The following CXCL13 variants were observed in gnomAD, a reference collection of about 807,000 sequenced individuals.
CXCL13 encodes the protein C-X-C motif chemokine 13.
A neutral mutation model predicts 12.2 loss-of-function variants in CXCL13; 7 were observed. That is an observed-to-expected ratio of 0.57 (90% CI 0.33 to 1.07). The LOEUF (loss-of-function observed/expected upper bound fraction) is 1.07, where lower values mean the gene tolerates loss of function less well. CXCL13 is among the 50% of genes least tolerant of loss of function. The pLI, the probability that CXCL13 is intolerant of heterozygous loss-of-function variation, is 0.04. For synonymous variants in CXCL13, 47 were observed against 42.4 expected (o/e 1.11, Z -0.42); for missense variants, 113 against 127.4 (o/e 0.89, Z 0.55).
chr4:77,539,218 G>C (rs17406546), intron 1 of CXCL13, among the ~76,000 whole-genome samples: 56,077 of 151,922 alleles, frequency 0.37, 10,657 homozygotes, highest in African/African-American at 0.45. Context: ...CATGCACCCA[G>C]AGTTAGGGTA....
At chr4:77,533,627 C>G (rs923386538) in intron 1 of CXCL13, among the ~76,000 whole-genome samples, 1 of 152,172 alleles carries the variant, frequency 6.6e-6, no homozygotes, top group Non-Finnish European at 1.5e-5. Context: ...GCCCTGCCCC[C>G]AGAGGTGGAG....
intron 1 of CXCL13, among the ~76,000 whole-genome samples, chr4:77,559,248 AAG>A (rs1433113715): frequency 6.6e-6 from 1 of 152,206 alleles, no homozygotes; most frequent in Non-Finnish European, 1.5e-5. Context: ...CTGGGGAAGA[AAG>A]GGGACTGAGG....
chr4:77,572,230 A>G (rs1468128145), intron 1 of CXCL13, among the ~76,000 whole-genome samples: 1 of 151,792 alleles, frequency 6.6e-6, no homozygotes, highest in Non-Finnish European at 1.5e-5. Flanking sequence ...GTGAAATTCC[A>G]TCTCCCCTAA....
intron 1 of CXCL13, among the ~76,000 whole-genome samples, chr4:77,559,129 C>T (rs533226853): frequency 3.7e-4 from 57 of 152,222 alleles, no homozygotes; most frequent in African/African-American, 1.3e-3. Context: ...ATGTCCTCTG[C>T]CTACCACCAG....
At chr4:77,555,479 T>A (rs1222531024) in intron 1 of CXCL13, among the ~76,000 whole-genome samples, 1 of 152,052 alleles carries the variant, frequency 6.6e-6, no homozygotes, top group Non-Finnish European at 1.5e-5. Flanking sequence ...GAAAAAAGCA[T>A]GAACTTCAAC....
chr4:77,542,957 G>A (rs1725242700), intron 1 of CXCL13, among the ~76,000 whole-genome samples: 4 of 152,010 alleles, frequency 2.6e-5, no homozygotes, highest in Admixed American at 2.0e-4. Flanking sequence ...TTCTTTTTAG[G>A]TATGGTAGAA....
At chr4:77,516,209 C>T (rs1301419036) in intron 1 of CXCL13, among the ~76,000 whole-genome samples, 1 of 152,146 alleles carries the variant, frequency 6.6e-6, no homozygotes, top group Non-Finnish European at 1.5e-5. Flanking sequence ...ATTCAGTTTG[C>T]CAGTTTTTTA....
At chr4:77,545,901 T>A (rs991363261) in intron 1 of CXCL13, among the ~76,000 whole-genome samples, 2 of 152,192 alleles carry the variant, frequency 1.3e-5, no homozygotes, top group Admixed American at 6.5e-5. Context: ...AAATACCTCT[T>A]ATTATTTTGA....
chr4:77,539,756 C>A (rs1377419138), intron 1 of CXCL13, among the ~76,000 whole-genome samples: 1 of 152,134 alleles, frequency 6.6e-6, no homozygotes, highest in African/African-American at 2.4e-5. Context: ...TAGGGGATTG[C>A]CGTTCCCTGG....
chr4:77,594,557 C>T (rs1342513900), intron 1 of CXCL13, among the ~76,000 whole-genome samples: 1 of 150,732 alleles, frequency 6.6e-6, no homozygotes, highest in African/African-American at 2.5e-5. Context: ...CATTTCATGT[C>T]ACAAATCCCA....
intron 1 of CXCL13, among the ~76,000 whole-genome samples, chr4:77,569,367 C>T (rs1322399279): frequency 1.3e-5 from 2 of 152,202 alleles, no homozygotes; most frequent in East Asian, 1.9e-4. Flanking sequence ...TAGAAAACCA[C>T]ATAATCTCAG....
rs72650478 is a variant in CXCL13, at chr4:77,556,472, C to T, written c.-43+44684C>T. Among the ~76,000 whole-genome samples the T allele has an allele frequency of 5.6e-3, 854 of 152,002 alleles. 4 individuals are homozygous for T. The highest frequency in any genetic ancestry group is 8.8e-3 in the Non-Finnish European group (599 of 67,972). On this transcript the variant is annotated intron_variant, in intron 1 of 4. Transcript: ENST00000286758. ...GGGGGTGGTATTGACAATAAAGAGG[C>T]CTAAAAGAACTTTTCAGGATAATGG...
intron 1 of CXCL13, among the ~76,000 whole-genome samples, chr4:77,546,349 T>C (rs148814900): frequency 0.012 from 1,845 of 152,334 alleles, 26 homozygotes; most frequent in Non-Finnish European, 0.017. Context: ...GTACCTCTGG[T>C]AGAATTCGGC....
intron 1 of CXCL13, among the ~76,000 whole-genome samples, chr4:77,519,906 G>A (rs1002152140): frequency 2.0e-5 from 3 of 152,156 alleles, no homozygotes; most frequent in African/African-American, 7.2e-5. Flanking sequence ...GTGTAAGGAA[G>A]GGATCCAGTT....
At chr4:77,565,953 C>A (rs1725917270) in intron 1 of CXCL13, among the ~76,000 whole-genome samples, 1 of 152,202 alleles carries the variant, frequency 6.6e-6, no homozygotes, top group Non-Finnish European at 1.5e-5. Context: ...ATCCTACAAA[C>A]CTTGAAAAGT....
In CXCL13 at chr4:77,572,050, T is replaced by C. The variant is rs138126090; in HGVS notation, c.-42-33774T>C. 5.4e-3 allele frequency among the ~76,000 whole-genome samples: 824 copies of C among 151,630 alleles called. 22 individuals carry two copies. Among genetic ancestry groups the C allele is most frequent in the African/African-American group, 0.019 (787 of 41,102 alleles). On this transcript the variant is annotated intron_variant, in intron 1 of 4. Transcript: ENST00000286758. Reference sequence around the variant, plus strand: ...CATCTGAACATCAGAAGGGACAGACTCCAGACGCGCCACATTAAGAGCTGT... The same window carrying C: ...CATCTGAACATCAGAAGGGACAGACCCCAGACGCGCCACATTAAGAGCTGT...
intron 1 of CXCL13, among the ~76,000 whole-genome samples, chr4:77,551,123 A>G (rs1486603994): frequency 6.6e-6 from 1 of 152,206 alleles, no homozygotes; most frequent in African/African-American, 2.4e-5. Context: ...GACCATTTAC[A>G]TTCAAAGTTA....
chr4:77,533,415 C>T (rs1419167141), intron 1 of CXCL13, among the ~76,000 whole-genome samples: 1 of 152,156 alleles, frequency 6.6e-6, no homozygotes, highest in African/African-American at 2.4e-5. Context: ...AGAGGAGTAC[C>T]CGGCCATGTG....
chr4:77,539,997 CAG>C (rs1326922959), intron 1 of CXCL13, among the ~76,000 whole-genome samples: 2 of 152,086 alleles, frequency 1.3e-5, no homozygotes, highest in Non-Finnish European at 2.9e-5. Flanking sequence ...GCCATAAAAA[CAG>C]GGAGATGCTG....
Sources: gnomAD v4.1 joint callset for allele counts (sites outside exome capture counted in the v4.1 genomes callset) on GRCh38, gnomAD v4.1.1 for gene constraint, MANE v1.5 for transcripts, NCBI Gene and HGNC (gene_info 2026-07-23, HGNC 2026-07-21) for gene names.